The following PTPRN2 variants were observed in gnomAD, a reference collection of about 807,000 sequenced individuals.
PTPRN2 encodes the protein protein tyrosine phosphatase receptor type N2, also known as receptor-type tyrosine-protein phosphatase N2.
PTPRN2 carries 74 observed loss-of-function variants against 118.8 expected under a neutral mutation model. The observed-to-expected ratio is 0.62, with a 90% confidence interval of 0.52 to 0.76. The LOEUF is 0.76. PTPRN2 is among the 30% of genes least tolerant of loss of function. The probability of loss-of-function intolerance (pLI) is 0.00; values close to 1 mark genes in which losing one functional copy is unlikely to be tolerated. For missense variants in PTPRN2, 1,481 were observed against 1,394.4 expected, an observed-to-expected ratio of 1.06 and a Z score of -0.99; for synonymous variants, 641 against 608.0, an observed-to-expected ratio of 1.05 and a Z score of -0.80.
At chr7:157,769,401 CG>C (rs796191941) in intron 12 of PTPRN2, among the ~76,000 whole-genome samples, 1 of 152,090 alleles carries the variant, frequency 6.6e-6, no homozygotes, top group Non-Finnish European at 1.5e-5. Context: ...CCCTCATTGT[CG>C]GGGGGGCAGT....
chr7:158,081,083 C>T (rs1812783310), intron 11 of PTPRN2, among the ~76,000 whole-genome samples: 2 of 152,214 alleles, frequency 1.3e-5, no homozygotes, highest in South Asian at 2.1e-4. Context: ...AGTGAAATCC[C>T]AGATGGTGCC....
chr7:158,528,430 A>G (rs1010330244), intron 1 of PTPRN2, among the ~76,000 whole-genome samples: 1 of 152,150 alleles, frequency 6.6e-6, no homozygotes, highest in Non-Finnish European at 1.5e-5. Context: ...CACCTGGTGT[A>G]TCAGGAACAG....
chr7:157,988,659 A>G (rs1804004649), intron 11 of PTPRN2, among the ~76,000 whole-genome samples: 1 of 152,110 alleles, frequency 6.6e-6, no homozygotes, highest in African/African-American at 2.4e-5. Context: ...GCTGGAGGGA[A>G]CCGGGGGAGG....
chr7:158,412,153 G>A (rs1310854502), intron 2 of PTPRN2, among the ~76,000 whole-genome samples: 7 of 126,040 alleles, frequency 5.6e-5, no homozygotes, highest in East Asian at 2.4e-4. Context: ...CAGCACCAGG[G>A]CCCATCCAGC....
chr7:158,270,269 A>G (rs1429800768), intron 3 of PTPRN2, among the ~76,000 whole-genome samples: 3 of 152,238 alleles, frequency 2.0e-5, no homozygotes, highest in Non-Finnish European at 4.4e-5. Context: ...TCAGCAAGGC[A>G]AGTCATGGCC....
chr7:158,156,858 C>T (rs1339625716), intron 6 of PTPRN2, among the ~76,000 whole-genome samples: 1 of 152,240 alleles, frequency 6.6e-6, no homozygotes, highest in Non-Finnish European at 1.5e-5. Context: ...AGGATGACAT[C>T]ATATGCAGAG....
intron 1 of PTPRN2, among the ~76,000 whole-genome samples, chr7:158,580,672 C>T (rs73730448): frequency 0.016 from 2,369 of 152,284 alleles, 75 homozygotes; most frequent in African/African-American, 0.054. Flanking sequence ...GGAAAGTAAT[C>T]CCTCTCTCAT....
chr7:157,910,088 G>A (rs904002708), intron 11 of PTPRN2, among the ~76,000 whole-genome samples: 8 of 152,234 alleles, frequency 5.3e-5, no homozygotes, highest in African/African-American at 1.7e-4. Context: ...AAGAGCCAAC[G>A]ATAAAAGGAT....
In PTPRN2 at chr7:158,276,366, CCCCCACA is replaced by C. The variant is rs1333476518; in HGVS notation, c.277+40446_277+40452del. Among the ~76,000 whole-genome samples the C allele has an allele frequency of 3.6e-3, 108 of 30,244 alleles. 2 individuals are homozygous for C. Among genetic ancestry groups the C allele is most frequent in the African/African-American group, 8.7e-3 (103 of 11,820 alleles). The allele number at this position is 30,244 out of a possible 152,430, so 19.8% of individuals were successfully genotyped here. ...GGCCCCGACAGGCTGTAAGGCAGCACCCCCACACCCCGGCCCCAACAGGCTGTATCAC... is the reference window on the plus strand; with the variant it reads ...GGCCCCGACAGGCTGTAAGGCAGCACCCCCGGCCCCAACAGGCTGTATCAC... On this transcript the variant is annotated intron_variant, in intron 3 of 22. Transcript: ENST00000389418.
At chr7:157,997,669 G>A in intron 11 of PTPRN2, among the ~76,000 whole-genome samples, 1 of 151,470 alleles carries the variant, frequency 6.6e-6, no homozygotes, top group Non-Finnish European at 1.5e-5. Flanking sequence ...TACAGAAAGA[G>A]GAGGCCAGGG....
chr7:157,599,677 C>G (rs531377630), intron 16 of PTPRN2, among the ~76,000 whole-genome samples: 5 of 152,324 alleles, frequency 3.3e-5, no homozygotes, highest in African/African-American at 1.2e-4. Context: ...GTGAAGGGAA[C>G]GCCAGTTTCT....
At chr7:157,612,728 G>C (rs1013478568) in intron 15 of PTPRN2, among the ~76,000 whole-genome samples, 2 of 152,236 alleles carry the variant, frequency 1.3e-5, no homozygotes, top group African/African-American at 4.8e-5. Context: ...CTACACATTA[G>C]CTCCCTAGAG....
intron 2 of PTPRN2, among the ~76,000 whole-genome samples, chr7:158,478,965 G>C (rs1820462096): frequency 6.6e-6 from 1 of 152,048 alleles, no homozygotes; most frequent in Non-Finnish European, 1.5e-5. Context: ...CAGTCACTGG[G>C]GAAACACACA....
chr7:158,061,302 G>C (rs1585304366), intron 11 of PTPRN2, among the ~76,000 whole-genome samples: 1 of 152,350 alleles, frequency 6.6e-6, no homozygotes, highest in Middle Eastern at 3.4e-3. Flanking sequence ...AAAACAAGGG[G>C]AGGACTGAGT....
intron 3 of PTPRN2, among the ~76,000 whole-genome samples, chr7:158,235,877 T>C (rs1374000313): frequency 6.6e-6 from 1 of 152,096 alleles, no homozygotes; most frequent in Non-Finnish European, 1.5e-5. Context: ...TCTGTATCAA[T>C]ATAGAAAAGC....
chr7:157,896,949 A>G (rs1431027285), intron 12 of PTPRN2, among the ~76,000 whole-genome samples: 4 of 143,630 alleles, frequency 2.8e-5, no homozygotes, highest in Non-Finnish European at 6.1e-5. Context: ...TTGCCCCTCC[A>G]GCCCTCTCAG....
chr7:158,275,881 G>C (rs1022933291), intron 3 of PTPRN2, among the ~76,000 whole-genome samples: 1 of 152,174 alleles, frequency 6.6e-6, no homozygotes, highest in Non-Finnish European at 1.5e-5. Context: ...GGCCAAGGGG[G>C]TGACCTTCCC....
At chr7:158,469,382 C>T (rs918960015) in intron 2 of PTPRN2, among the ~76,000 whole-genome samples, 1 of 152,148 alleles carries the variant, frequency 6.6e-6, no homozygotes, top group Non-Finnish European at 1.5e-5. Flanking sequence ...GGGGAGGTTG[C>T]AGTGAGCCAA....
rs1285101764 is a variant in PTPRN2 at position 158,273,447 on chromosome 7, A to AGGAGCCGCAGACGCAGGG, written c.277+43354_277+43371dup. Among the ~76,000 whole-genome samples the AGGAGCCGCAGACGCAGGG allele has an allele frequency of 1.2e-3, 83 of 69,886 alleles. 13 individuals carry two copies. Among genetic ancestry groups the AGGAGCCGCAGACGCAGGG allele is most frequent in the African/African-American group, 3.7e-3 (70 of 18,696 alleles). 45.8% of individuals were successfully genotyped at this position (69,886 alleles called of 152,430 possible). ...GGGAGGAGCCGCAGACAGACGCGGGAGGAGCCGCAGACGCAGGGGGAGCCG... is the reference window on the plus strand; with the variant it reads ...GGGAGGAGCCGCAGACAGACGCGGGAGGAGCCGCAGACGCAGGGGGAGCCGCAGACGCAGGGGGAGCCG... On this transcript the variant is annotated intron_variant, in intron 3 of 22. Coordinates refer to ENST00000389418, the MANE Select transcript of PTPRN2 (RefSeq NM_002847.5).
Sources: allele counts gnomAD v4.1 joint callset (sites outside exome capture counted in the v4.1 genomes callset), GRCh38; gene constraint gnomAD v4.1.1; transcripts MANE v1.5; gene names NCBI Gene and HGNC (gene_info 2026-07-23, HGNC 2026-07-21).